The following IMMP2L variants were observed in gnomAD, a reference collection of about 807,000 sequenced individuals.
IMMP2L encodes the protein mitochondrial inner membrane protease subunit 2.
Under a neutral mutation model 19.3 loss-of-function variants are expected in IMMP2L, and 18 were observed. That is an observed-to-expected ratio of 0.93 (90% CI 0.64 to 1.38). The LOEUF (loss-of-function observed/expected upper bound fraction) is 1.38, where lower values mean the gene tolerates loss of function less well. IMMP2L is among the 40% of genes most tolerant of loss of function. The pLI is 0.00. For synonymous variants in IMMP2L, 76 were observed against 73.0 expected (o/e 1.04, Z -0.21); for missense variants, 233 against 218.2 (o/e 1.07, Z -0.43).
At chr7:111,256,175 T>C (rs1258588484) in intron 3 of IMMP2L, among the ~76,000 whole-genome samples, 3 of 152,014 alleles carry the variant, frequency 2.0e-5, no homozygotes, top group Admixed American at 1.3e-4. Context: ...ATGTTCTTTT[T>C]CCTTGTTTTA....
intron 3 of IMMP2L, among the ~76,000 whole-genome samples, chr7:111,432,806 T>G (rs760909502): frequency 6.6e-6 from 1 of 151,228 alleles, no homozygotes; most frequent in Non-Finnish European, 1.5e-5. Context: ...ACCCTAAAGA[T>G]TCCACCAAAA....
At chr7:111,221,827 A>G (rs214468) in intron 3 of IMMP2L, among the ~76,000 whole-genome samples, 71,122 of 151,664 alleles carry the variant, frequency 0.47, 17,035 homozygotes, top group Non-Finnish European at 0.52. Flanking sequence ...CAAGGTAGAA[A>G]AACGTCTCCT....
At position 110,897,516 on chromosome 7, in the gene IMMP2L, C is replaced by CT. The variant is rs543575417; in HGVS notation, c.306-10822dup. ...TGGTAGAAATAGGAAGAGTTATAATCTTTTTGGAAGCAATCTGGCAGCATC... is the reference window on the plus strand; with the variant it reads ...TGGTAGAAATAGGAAGAGTTATAATCTTTTTTGGAAGCAATCTGGCAGCATC... On this transcript the variant is annotated intron_variant, in intron 4 of 5. Transcript: ENST00000405709. Among the ~76,000 whole-genome samples the CT allele has an allele frequency of 3.3e-5, 5 of 152,260 alleles. No individual in the cohort carries two copies. In the East Asian group the frequency reaches 7.7e-4, roughly 24 times the overall value.
At chr7:111,175,661 A>G (rs1242580418) in intron 3 of IMMP2L, among the ~76,000 whole-genome samples, 1 of 151,876 alleles carries the variant, frequency 6.6e-6, no homozygotes, top group African/African-American at 2.4e-5. Flanking sequence ...TAAGACCTCA[A>G]TCTATGAAAT....
At chr7:111,278,635 C>T (rs1179928052) in intron 3 of IMMP2L, among the ~76,000 whole-genome samples, 1 of 152,150 alleles carries the variant, frequency 6.6e-6, no homozygotes, top group African/African-American at 2.4e-5. Flanking sequence ...TGTATTAACG[C>T]TCCAACTGAA....
At chr7:111,094,148 A>G (rs1797158913) in intron 3 of IMMP2L, among the ~76,000 whole-genome samples, 1 of 152,108 alleles carries the variant, frequency 6.6e-6, no homozygotes, top group African/African-American at 2.4e-5. Context: ...CCCGAATCTG[A>G]ATTTTTTTGG....
intron 3 of IMMP2L, among the ~76,000 whole-genome samples, chr7:111,178,683 AC>A (rs1468242689): frequency 6.6e-6 from 1 of 152,074 alleles, no homozygotes; most frequent in Non-Finnish European, 1.5e-5. Context: ...TCAAGAAACC[AC>A]TTTCTTTGCT....
chr7:110,853,434 A>G (rs1211349161), intron 5 of IMMP2L, among the ~76,000 whole-genome samples: 1 of 151,990 alleles, frequency 6.6e-6, no homozygotes, highest in Admixed American at 6.6e-5. Flanking sequence ...GTAGGCACTG[A>G]GCGCGTATGT....
intron 5 of IMMP2L, among the ~76,000 whole-genome samples, chr7:110,813,861 A>G (rs192507830): frequency 6.6e-6 from 1 of 152,106 alleles, no homozygotes; most frequent in African/African-American, 2.4e-5. Flanking sequence ...CCTGAGTTTA[A>G]AATAGAAAGA....
intron 3 of IMMP2L, among the ~76,000 whole-genome samples, chr7:111,427,554 A>G (rs1030839039): frequency 1.3e-5 from 2 of 151,878 alleles, no homozygotes; most frequent in Admixed American, 6.6e-5. Flanking sequence ...TGAAATAGAA[A>G]GAAGTGAGAA....
At chr7:110,856,262 CT>C (rs995250039) in intron 5 of IMMP2L, among the ~76,000 whole-genome samples, 1 of 151,816 alleles carries the variant, frequency 6.6e-6, no homozygotes, top group East Asian at 1.9e-4. Flanking sequence ...TTAGTTTATT[CT>C]TTTTTTAAGA....
In IMMP2L at chr7:110,834,390, T is replaced by C. The variant is rs562210936; in HGVS notation, c.408+52203A>G. Among the ~76,000 whole-genome samples, 364 of 127,116 alleles carry C rather than the reference T, an allele frequency of 2.9e-3. 1 individual carries two copies. Among genetic ancestry groups the C allele is most frequent in the South Asian group, 4.2e-3 (19 of 4,474 alleles). The allele number at this position is 127,116 out of a possible 152,430, so 83.4% of individuals were successfully genotyped here. A position where few individuals can be genotyped will look rare whatever the true frequency, so the allele number is the denominator to read the frequency against. Reference sequence around the variant, plus strand: ...TGTGTGTGTGTGTTATATGCAACTTTATATATATATATAGTGTATATGTAA... The same window carrying C: ...TGTGTGTGTGTGTTATATGCAACTTCATATATATATATAGTGTATATGTAA... On this transcript the variant is annotated intron_variant, in intron 5 of 5. Coordinates refer to ENST00000405709, the MANE Select transcript of IMMP2L (RefSeq NM_032549.4).
At chr7:110,852,690 G>A (rs531820116) in intron 5 of IMMP2L, among the ~76,000 whole-genome samples, 2 of 152,096 alleles carry the variant, frequency 1.3e-5, no homozygotes, top group African/African-American at 4.8e-5. Context: ...TTATAAAAAC[G>A]TTATTGTAAA....
intron 3 of IMMP2L, among the ~76,000 whole-genome samples, chr7:111,261,045 T>C (rs1052758274): frequency 6.6e-6 from 1 of 152,140 alleles, no homozygotes; most frequent in Non-Finnish European, 1.5e-5. Context: ...AAAGATGCCC[T>C]TCTCTAGTTA....
chr7:110,720,664 G>C (rs1468417565), intron 5 of IMMP2L, among the ~76,000 whole-genome samples: 19 of 151,972 alleles, frequency 1.3e-4, no homozygotes, highest in Admixed American at 1.2e-3. Context: ...TACTGGCTGG[G>C]GCCCTTCTGT....
At chr7:111,453,166 C>A (rs949066422) in intron 3 of IMMP2L, among the ~76,000 whole-genome samples, 1 of 152,184 alleles carries the variant, frequency 6.6e-6, no homozygotes, top group African/African-American at 2.4e-5. Flanking sequence ...GTGCACACTG[C>A]AGCCTTCATT....
intron 3 of IMMP2L, chr7:111,392,669 A>C: frequency 2.3e-6 from 1 of 426,492 alleles, no homozygotes. Flanking sequence ...CAGTCCCACA[A>C]ATCAAGGTCC....
At chr7:110,824,694 C>T (rs996084390) in intron 5 of IMMP2L, among the ~76,000 whole-genome samples, 4 of 152,028 alleles carry the variant, frequency 2.6e-5, no homozygotes, top group African/African-American at 9.7e-5. Flanking sequence ...TGGATCTTTA[C>T]CTATGTGCAT....
chr7:111,418,288 A>C (rs945607949), intron 3 of IMMP2L, among the ~76,000 whole-genome samples: 4 of 151,652 alleles, frequency 2.6e-5, no homozygotes, highest in African/African-American at 7.3e-5. Context: ...GCCTCCTTTC[A>C]GGTCCCCAAT....
Sources: gnomAD v4.1 joint callset for allele counts (sites outside exome capture counted in the v4.1 genomes callset) on GRCh38, gnomAD v4.1.1 for gene constraint, MANE v1.5 for transcripts, NCBI Gene and HGNC (gene_info 2026-07-23, HGNC 2026-07-21) for gene names.